MTMR6: variants seen among roughly 807,000 people sequenced by gnomAD.
MTMR6 encodes phosphatidylinositol-3,5-bisphosphate 3-phosphatase MTMR6.
A neutral mutation model predicts 80.1 loss-of-function variants in MTMR6; 47 were observed. The ratio of observed to expected loss-of-function variants is 0.59; its 90% confidence interval spans 0.46 to 0.75. MTMR6 has a LOEUF of 0.75. MTMR6 is among the 30% of genes least tolerant of loss of function. The pLI is 0.00. For missense variants in MTMR6, 629 were observed against 730.9 expected, an observed-to-expected ratio of 0.86 and a Z score of 1.61; for synonymous variants, 254 against 253.0, an observed-to-expected ratio of 1.00 and a Z score of -0.04.
intron 2 of MTMR6, among the ~76,000 whole-genome samples, chr13:25,268,658 T>A (rs1957505738): frequency 6.6e-6 from 1 of 152,156 alleles, no homozygotes; most frequent in Non-Finnish European, 1.5e-5. Flanking sequence ...CAAGCTATAC[T>A]TTTCCTTCAC....
chr13:25,257,790 C>T lies in MTMR6; in HGVS notation c.915G>A (p.Ser305=), dbSNP rs186466011. Residue 305 remains serine, a synonymous_variant, in exon 8 of 14, where the codon TCG becomes TCA. Coordinates refer to ENST00000381801, the MANE Select transcript of MTMR6 (RefSeq NM_004685.5). ...VNDFYSGLES[S]GWLRHIKAVM... is the part of the protein sequence containing the mutation. ...CAGCTTTGATATGGCGAAGCCATCC[C>T]GAGCTCTCCAAACCGGAGTAGAAAT... 76 of 1,613,942 alleles carry T rather than the reference C, an allele frequency of 4.7e-5. No homozygotes were observed. In the Admixed American group the frequency reaches 7.5e-4, roughly 16 times the overall value.
chr13:25,282,486 G>C (rs1406430544), intron 1 of MTMR6, among the ~76,000 whole-genome samples: 4 of 152,174 alleles, frequency 2.6e-5, no homozygotes, highest in Non-Finnish European at 5.9e-5. Context: ...CCAGAGGATG[G>C]AGCAGAGAAG....
rs776793378 is a variant in MTMR6, at chr13:25,274,029, CATT to C, written c.141+39_141+41del. ...AAAATAAAACATGACAGACCAAGTC[CATT>C]ATTATTATGATAAATAGTACAGCTG... On this transcript the variant is annotated intron_variant, in intron 2 of 13. Transcript: ENST00000381801. 6 of 1,228,052 alleles carry C rather than the reference CATT, an allele frequency of 4.9e-6. 1 individual carries two copies. The African/African-American group carries it at 9.2e-5, about 19-fold the overall frequency. The allele number at this position is 1,228,052 out of a possible 1,614,324, so 76.1% of individuals were successfully genotyped here.
At chr13:25,260,293 C>T (rs537376745) in intron 6 of MTMR6, among the ~76,000 whole-genome samples, 281 of 152,032 alleles carry the variant, frequency 1.8e-3, no homozygotes, top group South Asian at 1.5e-3. Flanking sequence ...CTCAGCCTCC[C>T]GAGTAGCTGG....
At chr13:25,284,709 T>A (rs1189544541) in intron 1 of MTMR6, among the ~76,000 whole-genome samples, 1 of 152,242 alleles carries the variant, frequency 6.6e-6, no homozygotes. Context: ...GTGAAGGCTA[T>A]GCATAATGGA....
At chr13:25,274,965 C>T (rs139265041) in intron 1 of MTMR6, among the ~76,000 whole-genome samples, 70 of 114,334 alleles carry the variant, frequency 6.1e-4, no homozygotes, top group Admixed American at 2.3e-3. Flanking sequence ...CACACATACA[C>T]ACACACACAC....
intron 1 of MTMR6, among the ~76,000 whole-genome samples, chr13:25,276,402 A>T (rs1957728966): frequency 6.6e-6 from 1 of 152,254 alleles, no homozygotes; most frequent in South Asian, 2.1e-4. Flanking sequence ...CAAGTAGTTT[A>T]AAAGTGGGGA....
intron 7 of MTMR6, among the ~76,000 whole-genome samples, chr13:25,258,334 T>A (rs1384766929): frequency 6.6e-6 from 1 of 152,116 alleles, no homozygotes; most frequent in Admixed American, 6.5e-5. Context: ...CATGCCTGAT[T>A]TCTAAGAGTT....
intron 1 of MTMR6, among the ~76,000 whole-genome samples, chr13:25,279,430 T>G (rs761880576): frequency 6.6e-6 from 1 of 152,210 alleles, no homozygotes; most frequent in Non-Finnish European, 1.5e-5. Flanking sequence ...CAATTAAACC[T>G]CTTTCCTCTA....
At chr13:25,277,346 CTT>C (rs1447169162) in intron 1 of MTMR6, among the ~76,000 whole-genome samples, 2 of 152,200 alleles carry the variant, frequency 1.3e-5, no homozygotes, top group African/African-American at 2.4e-5. Flanking sequence ...ATGTATCTGT[CTT>C]TTCCACTAAA....
rs149218149 is a variant in MTMR6 at position 25,257,247 on chromosome 13, G to A, written c.1044C>T (p.Ser348=). 129 of 1,613,842 alleles carry A rather than the reference G, an allele frequency of 8.0e-5. No homozygotes were observed. The African/African-American group carries it at 1.6e-3, about 20-fold the overall frequency. ...AGGAATCCAATAAAAGAGAACCCAG[G>A]GAACAAACCTGGGAAGTCCTATCCC... ...DGWDRTSQVC[S]LGSLLLDSYY... is the part of the protein sequence containing the mutation. Residue 348 remains serine (S), a synonymous_variant, in exon 9 of 14, where the codon TCC becomes TCT. Coordinates refer to ENST00000381801, the MANE Select transcript of MTMR6 (RefSeq NM_004685.5).
rs181605666 is a variant in MTMR6, at chr13:25,246,672, A to G, written c.*2560T>C. 6 of 152,908 alleles carry G rather than the reference A, an allele frequency of 3.9e-5. No homozygotes were observed. Among genetic ancestry groups the G allele is most frequent in the Non-Finnish European group, 7.3e-5 (5 of 68,050 alleles). 9.5% of individuals were successfully genotyped at this position (152,908 alleles called of 1,614,324 possible). On this transcript the variant is annotated 3_prime_UTR_variant, in exon 14 of 14. Coordinates refer to ENST00000381801, the MANE Select transcript of MTMR6 (RefSeq NM_004685.5). ...TAGCATGTCAACTGGAAATTTTTCA[A>G]TATTTTAAAGCTGACCTTCTGCAAA...
At position 25,258,643 on chromosome 13, in the gene MTMR6, T is replaced by C. The variant is rs1447590175; in HGVS notation, c.776A>G (p.Asp259Gly). The C allele has an allele frequency of 1.3e-6, 2 of 1,596,656 alleles. No individual in the cohort carries two copies. The highest frequency in any genetic ancestry group is 1.7e-6 in the Non-Finnish European group (2 of 1,175,242). ...CTGAAATCTAATATTGGAATAGTTG[T>C]CTTCATTTTCATAACCTTTTCCAGC... ...RAAGKGYENE[D>G]NYSNIRFQFV... The change falls in exon 7 of 14, where the codon GAC (aspartate) becomes GGC (glycine). Residue 259 changes from aspartate (D) to glycine (G), a missense_variant. Asp to Gly is a moderately conservative substitution (Grantham distance 94). Coordinates refer to ENST00000381801, the MANE Select transcript of MTMR6 (RefSeq NM_004685.5).
chr13:25,281,026 C>A (rs930888060), intron 1 of MTMR6, among the ~76,000 whole-genome samples: 1 of 152,186 alleles, frequency 6.6e-6, no homozygotes, highest in African/African-American at 2.4e-5. Context: ...GAATCACACT[C>A]AGAAAATGTT....
At chr13:25,267,689 A>G in intron 3 of MTMR6, 90 bp downstream of exon 3, 1 of 1,343,828 alleles carries the variant, frequency 7.4e-7, no homozygotes, top group Non-Finnish European at 1.0e-6. Flanking sequence ...GCAAAAAAGG[A>G]TAAAATAACA....
chr13:25,278,919 A>C (rs1168074358), intron 1 of MTMR6, among the ~76,000 whole-genome samples: 1 of 152,070 alleles, frequency 6.6e-6, no homozygotes, highest in Non-Finnish European at 1.5e-5. Flanking sequence ...ACTCCATTAC[A>C]TGCACGCACA....
At chr13:25,252,075 C>A (rs773868314) in intron 11 of MTMR6, 91 bp from the exon 12 acceptor site, 15 of 1,402,252 alleles carry the variant, frequency 1.1e-5, no homozygotes, top group Non-Finnish European at 7.8e-6. Context: ...CGATGGCTTC[C>A]GAAGCAGATT....
At position 25,267,753 on chromosome 13, in the gene MTMR6, T is replaced by C. The variant is rs752962806; in HGVS notation, c.304+26A>G. On this transcript the variant is annotated intron_variant, in intron 3 of 13. Coordinates refer to ENST00000381801, the MANE Select transcript of MTMR6 (RefSeq NM_004685.5). Reference sequence around the variant, plus strand: ...GATAACCCATCTCAAATTGAGCATGTAAGCTTTGGTCTCTAAGAACAATAC... The same window carrying C: ...GATAACCCATCTCAAATTGAGCATGCAAGCTTTGGTCTCTAAGAACAATAC... The C allele has an allele frequency of 4.4e-6, 7 of 1,594,096 alleles. No individual in the cohort carries two copies. In the Admixed American group the frequency reaches 1.0e-4, roughly 24 times the overall value.
rs188749833 is a variant in MTMR6 at position 25,258,683 on chromosome 13, T to C, written c.736A>G (p.Met246Val). The C allele has an allele frequency of 4.4e-5, 69 of 1,555,124 alleles. No homozygotes were observed. The highest frequency in any genetic ancestry group is 1.8e-4 in the Admixed American group (8 of 43,330). Residue 246 changes from methionine to valine, a missense_variant, in exon 7 of 14, where the codon ATG becomes GTG. Physicochemically the swap from Met to Val is conservative, Grantham distance 21. Transcript: ENST00000381801. ...CCTTTTCCAGCTGCTCTGTTGGCCA[T>C]TGCATTCAGCTAAAATTAAAAGTTT... is the stretch of plus-strand genomic sequence containing the variant. ...VMDTRPKLNA[M>V]ANRAAGKGYE...
Sources: gnomAD v4.1 joint callset for allele counts (sites outside exome capture counted in the v4.1 genomes callset) on GRCh38, gnomAD v4.1.1 for gene constraint, MANE v1.5 for transcripts, NCBI Gene and HGNC (gene_info 2026-07-23, HGNC 2026-07-21) for gene names.